NKAIN2: variants seen among roughly 807,000 people sequenced by gnomAD.
NKAIN2 encodes sodium/potassium transporting ATPase interacting 2.
NKAIN2 carries 14 observed loss-of-function variants against 32.6 expected under a neutral mutation model. The ratio of observed to expected loss-of-function variants is 0.43; its 90% CI spans 0.28 to 0.67. The LOEUF is 0.67. Ranked by LOEUF, NKAIN2 falls within the 30% of genes least tolerant of loss-of-function variation. NKAIN2 has a pLI of 0.17. For synonymous variants in NKAIN2, 80 were observed against 87.2 expected, an observed-to-expected ratio of 0.92 and a Z score of 0.46; for missense variants, 198 against 258.3, an observed-to-expected ratio of 0.77 and a Z score of 1.60.
intron 3 of NKAIN2, among the ~76,000 whole-genome samples, chr6:124,646,761 G>A (rs1355464053): frequency 6.6e-6 from 1 of 152,076 alleles, no homozygotes; most frequent in African/African-American, 2.4e-5. Context: ...GACCAGCCTG[G>A]CTAACATGGT....
At chr6:123,897,677 T>C (rs144882526) in intron 1 of NKAIN2, among the ~76,000 whole-genome samples, 12 of 152,182 alleles carry the variant, frequency 7.9e-5, no homozygotes, top group African/African-American at 2.9e-4. Flanking sequence ...AGTTGTTCAA[T>C]ATCTTGAATG....
intron 3 of NKAIN2, among the ~76,000 whole-genome samples, chr6:124,448,433 A>G (rs539024256): frequency 9.8e-5 from 15 of 152,294 alleles, no homozygotes; most frequent in African/African-American, 3.6e-4. Flanking sequence ...TAATCAAACA[A>G]TAAATGCTTT....
intron 3 of NKAIN2, among the ~76,000 whole-genome samples, chr6:124,365,273 A>T (rs1322050263): frequency 4.6e-5 from 7 of 151,864 alleles, no homozygotes; most frequent in Non-Finnish European, 8.9e-5. Flanking sequence ...CAAAACCCAA[A>T]TGTATTGTTG....
At chr6:124,603,109 G>C (rs1016914393) in intron 3 of NKAIN2, among the ~76,000 whole-genome samples, 1 of 151,908 alleles carries the variant, frequency 6.6e-6, no homozygotes, top group African/African-American at 2.4e-5. Context: ...CAACAAAGCT[G>C]TTAGGAGATA....
chr6:124,016,751 G>A (rs564580071), intron 1 of NKAIN2, among the ~76,000 whole-genome samples: 20 of 152,090 alleles, frequency 1.3e-4, no homozygotes, highest in African/African-American at 4.6e-4. Flanking sequence ...CCTTATAACA[G>A]CTGTGTGAGG....
At chr6:124,638,382 A>G (rs1004682415) in intron 3 of NKAIN2, among the ~76,000 whole-genome samples, 2 of 152,240 alleles carry the variant, frequency 1.3e-5, no homozygotes, top group African/African-American at 4.8e-5. Flanking sequence ...CTTCAAATGC[A>G]CAGTCAATGA....
chr6:123,981,962 G>A (rs370075279), intron 1 of NKAIN2, among the ~76,000 whole-genome samples: 185 of 152,172 alleles, frequency 1.2e-3, no homozygotes, highest in African/African-American at 4.3e-3. Flanking sequence ...AAAATGTGAG[G>A]AGCACTGCAA....
At chr6:124,464,725 A>G (rs752405506) in intron 3 of NKAIN2, among the ~76,000 whole-genome samples, 1 of 151,952 alleles carries the variant, frequency 6.6e-6, no homozygotes, top group African/African-American at 2.4e-5. Context: ...ATTGGTCTCT[A>G]TATCTGTTTT....
chr6:123,906,474 G>A (rs1035870066), intron 1 of NKAIN2, among the ~76,000 whole-genome samples: 2 of 151,876 alleles, frequency 1.3e-5, no homozygotes, highest in Non-Finnish European at 2.9e-5. Flanking sequence ...TCTAGTTTTT[G>A]TAGAGACAGG....
chr6:124,682,756 C>T (rs1274557972), intron 4 of NKAIN2, among the ~76,000 whole-genome samples: 3 of 152,208 alleles, frequency 2.0e-5, no homozygotes, highest in African/African-American at 7.2e-5. Flanking sequence ...CTTAAAAAAA[C>T]TCATCAGAGA....
At chr6:124,094,398 T>C (rs1293886932) in intron 1 of NKAIN2, among the ~76,000 whole-genome samples, 2 of 152,196 alleles carry the variant, frequency 1.3e-5, no homozygotes. Context: ...TATGACCTAG[T>C]AACTATTTCT....
chr6:124,553,847 A>G (rs1780379148), intron 3 of NKAIN2, among the ~76,000 whole-genome samples: 1 of 152,198 alleles, frequency 6.6e-6, no homozygotes, highest in African/African-American at 2.4e-5. Flanking sequence ...GGAAGGGAAC[A>G]TATCTTGACA....
chr6:124,680,726 A>C (rs1224864889), intron 4 of NKAIN2, among the ~76,000 whole-genome samples: 1 of 152,072 alleles, frequency 6.6e-6, no homozygotes, highest in Non-Finnish European at 1.5e-5. Flanking sequence ...TCAATGGACA[A>C]AATAAAGGTT....
intron 4 of NKAIN2, among the ~76,000 whole-genome samples, chr6:124,762,099 A>G (rs1217891797): frequency 6.6e-6 from 1 of 152,180 alleles, no homozygotes; most frequent in Non-Finnish European, 1.5e-5. Context: ...ACAAAATACC[A>G]CAAACTAGGT....
intron 3 of NKAIN2, among the ~76,000 whole-genome samples, chr6:124,390,577 A>G (rs1372624091): frequency 6.6e-6 from 1 of 152,152 alleles, no homozygotes; most frequent in Non-Finnish European, 1.5e-5. Context: ...TGAAGGTTAG[A>G]GATACATGAA....
At chr6:124,599,012 C>G (rs920631253) in intron 3 of NKAIN2, among the ~76,000 whole-genome samples, 1 of 134,372 alleles carries the variant, frequency 7.4e-6, no homozygotes, top group Admixed American at 7.6e-5. Flanking sequence ...ATGAGGTACA[C>G]AAATCTATTT....
intron 4 of NKAIN2, among the ~76,000 whole-genome samples, chr6:124,706,823 CTTTA>C (rs1369235654): frequency 6.6e-6 from 1 of 151,836 alleles, no homozygotes; most frequent in African/African-American, 2.4e-5. Flanking sequence ...AGGATGTTTT[CTTTA>C]TTTATAGTTG....
At chr6:124,713,139 C>T (rs2114611275) in intron 4 of NKAIN2, among the ~76,000 whole-genome samples, 1 of 152,186 alleles carries the variant, frequency 6.6e-6, no homozygotes, top group East Asian at 1.9e-4. Flanking sequence ...AATAACTTTA[C>T]ATAACTCATT....
At chr6:124,618,824 CATT>C (rs1583530176) in intron 3 of NKAIN2, among the ~76,000 whole-genome samples, 1 of 152,114 alleles carries the variant, frequency 6.6e-6, no homozygotes, top group East Asian at 1.9e-4. Flanking sequence ...GAAGGTATCT[CATT>C]AAATATGGAA....
Sources: gnomAD v4.1 joint callset for allele counts (sites outside exome capture counted in the v4.1 genomes callset) on GRCh38, gnomAD v4.1.1 for gene constraint, MANE v1.5 for transcripts, NCBI Gene and HGNC (gene_info 2026-07-23, HGNC 2026-07-21) for gene names.